PRKCQ: variants seen among roughly 807,000 people sequenced by gnomAD.
PRKCQ encodes the protein protein kinase C theta.
PRKCQ carries 41 observed loss-of-function variants against 91.2 expected under a neutral mutation model. The ratio of observed to expected loss-of-function variants is 0.45; its 90% CI spans 0.35 to 0.58. PRKCQ has a LOEUF of 0.58. Among genes scored for constraint, PRKCQ ranks in the 20% least tolerant of loss-of-function variants. The pLI, the probability that PRKCQ is intolerant of heterozygous loss-of-function variation, is 0.00. For missense variants in PRKCQ, 673 were observed against 896.5 expected (o/e 0.75, Z 3.18); for synonymous variants, 307 against 316.9 (o/e 0.97, Z 0.33).
chr10:6,434,773 A>G (rs590467), intron 16 of PRKCQ, among the ~76,000 whole-genome samples: 10,618 of 152,296 alleles, frequency 0.07, 500 homozygotes, highest in South Asian at 0.17. Context: ...TGTACCTGGA[A>G]CCTGCCTTCC....
rs1445421878 is a variant in PRKCQ, at chr10:6,430,533, T to C, written c.1965+277A>G. Among the ~76,000 whole-genome samples the C allele has an allele frequency of 6.6e-6, 1 of 152,172 alleles. No homozygotes were observed. Among genetic ancestry groups the C allele is most frequent in the Non-Finnish European group, 1.5e-5 (1 of 68,040 alleles). On this transcript the variant is annotated intron_variant, in intron 17 of 17. Coordinates refer to ENST00000263125, the MANE Select transcript of PRKCQ (RefSeq NM_006257.5). The surrounding 1 kb of genome is among the most constrained non-coding windows in gnomAD (Gnocchi z 4.7). ...CTTGTTTAATAGTCACCCTCACAAA[T>C]TCATATTCAACCTAAGGCGTGGACA...
chr10:6,440,497 T>G (rs1381603785), intron 16 of PRKCQ, among the ~76,000 whole-genome samples: 1 of 152,182 alleles, frequency 6.6e-6, no homozygotes, highest in Non-Finnish European at 1.5e-5. Flanking sequence ...AAGAACTGTT[T>G]TTTTCTGCTC....
chr10:6,564,441 C>T (rs1357905138), intron 1 of PRKCQ, among the ~76,000 whole-genome samples: 2 of 152,134 alleles, frequency 1.3e-5, no homozygotes, highest in African/African-American at 2.4e-5. Context: ...CAGAAGTGCC[C>T]TCTGCTGCCC....
Position 6,428,354 on chromosome 10 carries a change from T to G in PRKCQ, c.1974A>C (p.Pro658=). 1 of 1,613,314 alleles carries G rather than the reference T, an allele frequency of 6.2e-7. No homozygotes were observed. The highest frequency in any genetic ancestry group is 8.5e-7 in the Non-Finnish European group (1 of 1,179,694). Residue 658 remains proline, a synonymous_variant, in exon 18 of 18, where the codon CCA becomes CCC. Transcript: ENST00000263125. ...DPPFRPKVKS[P]FDCSNFDKEF... is the part of the protein sequence containing the mutation. ...CTTTGTCGAAATTGCTGCAGTCAAA[T>G]GGTGATTTCTTAGTCAGAGTTTAAG...
At position 6,485,959 on chromosome 10, in the gene PRKCQ, G is replaced by A. The variant is rs952626161; in HGVS notation, c.900+76C>T. 3 of 1,303,742 alleles carry A rather than the reference G, an allele frequency of 2.3e-6. No homozygotes were observed. The African/African-American group carries it at 4.4e-5, about 19-fold the overall frequency. The allele number at this position is 1,303,742 out of a possible 1,614,324, so 80.8% of individuals were successfully genotyped here. On this transcript the variant is annotated intron_variant, in intron 9 of 17. Coordinates refer to ENST00000263125, the MANE Select transcript of PRKCQ (RefSeq NM_006257.5). ...CGGCATTTCCCATAGGGCTGCCACA[G>A]GTGAAGCAGCAGAAGTGCATGGACA... is the stretch of plus-strand genomic sequence containing the variant.
intron 1 of PRKCQ, among the ~76,000 whole-genome samples, chr10:6,538,247 G>A (rs1252138662): frequency 6.6e-6 from 1 of 152,278 alleles, no homozygotes; most frequent in Non-Finnish European, 1.5e-5. Flanking sequence ...CTGGAGGTGG[G>A]TGAGCTTGGA....
intron 15 of PRKCQ, among the ~76,000 whole-genome samples, chr10:6,454,525 G>C (rs1037833344): frequency 1.7e-4 from 26 of 152,020 alleles, no homozygotes; most frequent in African/African-American, 4.8e-4. Flanking sequence ...GTGTTTGGGT[G>C]GATTTGAAGG....
At chr10:6,479,709 C>T (rs1050405232) in intron 11 of PRKCQ, among the ~76,000 whole-genome samples, 2 of 137,182 alleles carry the variant, frequency 1.5e-5, no homozygotes, top group African/African-American at 5.5e-5. Context: ...GCAGGCAGAT[C>T]ATCTGAGGTT....
At chr10:6,445,949 A>C (rs982059060) in intron 15 of PRKCQ, among the ~76,000 whole-genome samples, 1 of 152,242 alleles carries the variant, frequency 6.6e-6, no homozygotes, top group East Asian at 1.9e-4. Context: ...ACAAACAAAA[A>C]GAAAATTTGG....
rs1835603529 is a variant in PRKCQ at position 6,465,512 on chromosome 10, A to AT, written c.1354-1109dup. On this transcript the variant is annotated intron_variant, in intron 12 of 17. Coordinates refer to ENST00000263125, the MANE Select transcript of PRKCQ (RefSeq NM_006257.5). The surrounding 1 kb of genome is among the most constrained non-coding windows in gnomAD (Gnocchi z 4.4). ...ATTTATAACACTTTAGAGAAACCTG[A>AT]TTTTTTAAAGGGTTGTAATGCATCA... is the stretch of plus-strand genomic sequence containing the variant. 6.6e-6 allele frequency among the ~76,000 whole-genome samples: 1 copy of AT among 152,148 alleles called. No individual in the cohort carries two copies.
chr10:6,474,950 C>T (rs981763357), intron 12 of PRKCQ, among the ~76,000 whole-genome samples: 1 of 151,732 alleles, frequency 6.6e-6, no homozygotes, highest in African/African-American at 2.4e-5. Flanking sequence ...CTTTGTAAGA[C>T]AGAAAATGTA....
chr10:6,470,201 T>C (rs1198367319), intron 12 of PRKCQ, among the ~76,000 whole-genome samples: 1 of 152,218 alleles, frequency 6.6e-6, no homozygotes, highest in African/African-American at 2.4e-5. Context: ...CCTTTCTCTC[T>C]TGAAATTCTT....
chr10:6,485,886 G>A, intron 9 of PRKCQ, 149 bp downstream of exon 9: 1 of 615,586 alleles, frequency 1.6e-6, no homozygotes, highest in East Asian at 2.7e-5. Flanking sequence ...GGGGGTGTGG[G>A]CATGGATATG....
At chr10:6,434,099 A>G (rs1429117381) in intron 16 of PRKCQ, among the ~76,000 whole-genome samples, 2 of 151,992 alleles carry the variant, frequency 1.3e-5, no homozygotes, top group Non-Finnish European at 2.9e-5. Flanking sequence ...TCCTGAAACA[A>G]TGATACTAAA....
At chr10:6,422,528 G>A (rs1446961411), downstream of PRKCQ, among the ~76,000 whole-genome samples, 1 of 152,020 alleles carries the variant, frequency 6.6e-6, no homozygotes. Context: ...TATGATTCTG[G>A]GAAAGATGTG....
the PRKCQ span, among the ~76,000 whole-genome samples, chr10:6,404,816 ATTC>A: frequency 1.6e-5 from 1 of 64,150 alleles, no homozygotes; most frequent in East Asian, 3.9e-4. Context: ...TCTCTCTTTC[ATTC>A]TTTCTTTCCT....
At chr10:6,553,593 T>G (rs1397208728) in intron 1 of PRKCQ, among the ~76,000 whole-genome samples, 2 of 149,490 alleles carry the variant, frequency 1.3e-5, no homozygotes, top group African/African-American at 5.1e-5. Context: ...CATCTTTTCC[T>G]TTTTTTCCTT....
At chr10:6,485,124 T>C in intron 10 of PRKCQ, 28 bp downstream of exon 10, 1 of 1,571,778 alleles carries the variant, frequency 6.4e-7, no homozygotes. Flanking sequence ...TGACTGACAG[T>C]GATTAGACTG....
the PRKCQ span, among the ~76,000 whole-genome samples, chr10:6,420,159 T>A: frequency 1.3e-5 from 2 of 152,180 alleles, no homozygotes; most frequent in Non-Finnish European, 2.9e-5. Context: ...TGGCTAATTT[T>A]TGTATTTTTA....
Sources: gnomAD v4.1 joint callset for allele counts (sites outside exome capture counted in the v4.1 genomes callset) on GRCh38, gnomAD v4.1.1 for gene constraint, Gnocchi (gnomAD v3.1) non-coding constraint, MANE v1.5 for transcripts, NCBI Gene and HGNC (gene_info 2026-07-23, HGNC 2026-07-21) for gene names.